PROCR: variants seen among roughly 807,000 people sequenced by gnomAD.
PROCR encodes endothelial protein C receptor.
A neutral mutation model predicts 24.2 loss-of-function variants in PROCR; 22 were observed. That is an observed-to-expected ratio of 0.91 (90% CI 0.65 to 1.30). The LOEUF (loss-of-function observed/expected upper bound fraction) is 1.30. PROCR is among the 50% of genes most tolerant of loss of function. The pLI is 0.00. For missense variants in PROCR, 288 were observed against 307.7 expected (o/e 0.94, Z 0.48); for synonymous variants, 137 against 139.2 (o/e 0.98, Z 0.11).
At chr20:35,179,803 C>A (rs1190445159), downstream of PROCR, among the ~76,000 whole-genome samples, 1 of 152,154 alleles carries the variant, frequency 6.6e-6, no homozygotes, top group Non-Finnish European at 1.5e-5. Flanking sequence ...TTTATTTACT[C>A]CCTCTTATTT....
At chr20:35,195,946 A>C (rs2146167960) in intron 1 of PROCR, among the ~76,000 whole-genome samples, 1 of 151,892 alleles carries the variant, frequency 6.6e-6, no homozygotes, top group South Asian at 2.1e-4. Flanking sequence ...TTTGGGAGGC[A>C]GAGGTGAGCA....
intron 1 of PROCR, among the ~76,000 whole-genome samples, chr20:35,182,653 A>G (rs1006736165): frequency 6.6e-6 from 1 of 152,198 alleles, no homozygotes; most frequent in African/African-American, 2.4e-5. Context: ...GATGCATTGT[A>G]TAACTAGAAG....
intron 1 of PROCR, among the ~76,000 whole-genome samples, chr20:35,198,469 G>C (rs1047800593): frequency 6.6e-6 from 1 of 152,122 alleles, no homozygotes; most frequent in African/African-American, 2.4e-5. Flanking sequence ...ATTTTATGAA[G>C]GCTGAGAGAG....
chr20:35,190,126 A>C (rs1448755539), intron 1 of PROCR, among the ~76,000 whole-genome samples: 1 of 152,110 alleles, frequency 6.6e-6, no homozygotes. Context: ...TCTCACACCC[A>C]GTAAAAAGAA....
chr20:35,188,873 T>C (rs914487536), intron 1 of PROCR, among the ~76,000 whole-genome samples: 1 of 152,206 alleles, frequency 6.6e-6, no homozygotes, highest in Non-Finnish European at 1.5e-5. Context: ...AGAACATAAA[T>C]TGTGAAGATT....
intron 1 of PROCR, among the ~76,000 whole-genome samples, chr20:35,205,840 TATATACATGTATAC>T (rs1169515909): frequency 7.0e-6 from 1 of 142,720 alleles, no homozygotes; most frequent in Non-Finnish European, 1.5e-5. Context: ...TACATATACA[TATATACATGTATAC>T]ATATACATAT....
At chr20:35,202,294 C>T (rs1389529635) in intron 1 of PROCR, 2 of 151,724 alleles carry the variant, frequency 1.3e-5, no homozygotes, top group African/African-American at 4.8e-5. Context: ...TCTCTACTAA[C>T]AATACAAAAA....
intron 1 of PROCR, among the ~76,000 whole-genome samples, chr20:35,205,583 C>T (rs1782813196): frequency 6.7e-6 from 1 of 149,440 alleles, no homozygotes. Flanking sequence ...GAAACCTCGT[C>T]TCCACTAAAA....
chr20:35,211,592 C>T (rs1206543746), intron 1 of PROCR, among the ~76,000 whole-genome samples: 1 of 152,174 alleles, frequency 6.6e-6, no homozygotes, highest in East Asian at 1.9e-4. Flanking sequence ...CTGATTCATT[C>T]TCTCAACTCC....
chr20:35,187,566 G>A (rs10747514), intron 1 of PROCR, among the ~76,000 whole-genome samples: 60,024 of 151,898 alleles, frequency 0.4, 14,024 homozygotes, highest in African/African-American at 0.65. Flanking sequence ...GGGATTCTCT[G>A]AAAATTTTTG....
downstream of PROCR, among the ~76,000 whole-genome samples, chr20:35,180,271 TAAG>T (rs2086065669): frequency 6.6e-6 from 1 of 151,600 alleles, no homozygotes; most frequent in Admixed American, 6.6e-5. Flanking sequence ...AATACATAAA[TAAG>T]AAAAAAAAGA....
Position 35,176,306 on chromosome 20 carries a change from C to G in PROCR, c.461C>G (p.Thr154Ser). Residue 154 changes from threonine to serine, a missense_variant, in exon 3 of 4, where the codon ACC becomes AGC. Thr to Ser is a moderately conservative substitution (Grantham distance 58). Transcript: ENST00000216968. The stretch of plus-strand genomic sequence containing the variant: ...GAGAGAGCCTTGTGGCAGGCAGACA[C>G]CCAGGTCACCTCCGGAGTGGTCACC... ...RPERALWQAD[T>S]QVTSGVVTFT... The G allele has an allele frequency of 6.2e-7, 1 of 1,614,198 alleles. No individual in the cohort carries two copies. Among genetic ancestry groups the G allele is most frequent in the Non-Finnish European group, 8.5e-7 (1 of 1,180,042 alleles).
In PROCR at chr20:35,172,080, T is replaced by C. The variant is rs2085956032; in HGVS notation, c.-75T>C. On this transcript the variant is annotated 5_prime_UTR_variant, in exon 1 of 4. Coordinates refer to ENST00000216968, the MANE Select transcript of PROCR (RefSeq NM_006404.5). ...CCTCCCAGACGGTCCTCACTTCTCT[T>C]TTCCCTAGACTGCAGCCAGCGGAGC... The C allele has an allele frequency of 3.4e-6, 5 of 1,450,256 alleles. No individual in the cohort carries two copies. The highest frequency in any genetic ancestry group is 4.8e-6 in the Non-Finnish European group (5 of 1,031,812). The allele number at this position is 1,450,256 out of a possible 1,614,324, so 89.8% of individuals were successfully genotyped here.
At chr20:35,174,149 A>G (rs1449951454) in intron 1 of PROCR, among the ~76,000 whole-genome samples, 3 of 152,196 alleles carry the variant, frequency 2.0e-5, no homozygotes, top group Non-Finnish European at 4.4e-5. Context: ...CTGAATCGAC[A>G]TTGGCTATGA....
intron 1 of PROCR, among the ~76,000 whole-genome samples, chr20:35,213,577 C>T (rs1250580423): frequency 6.6e-6 from 1 of 151,998 alleles, no homozygotes; most frequent in Non-Finnish European, 1.5e-5. Flanking sequence ...TCACTGTATA[C>T]CAGTATTTTG....
intron 1 of PROCR, among the ~76,000 whole-genome samples, chr20:35,187,201 C>A (rs915521624): frequency 2.0e-5 from 3 of 147,138 alleles, no homozygotes; most frequent in Non-Finnish European, 4.5e-5. Context: ...CAGGCATGCA[C>A]CTCCAAGCCT....
intron 1 of PROCR, among the ~76,000 whole-genome samples, chr20:35,207,392 G>GTA (rs11471756): frequency 0.15 from 21,693 of 145,828 alleles, 1,584 homozygotes; most frequent in South Asian, 0.22. Context: ...GTATGTTTGT[G>GTA]TATATATATA....
At chr20:35,205,395 C>A in intron 1 of PROCR, among the ~76,000 whole-genome samples, 1 of 137,194 alleles carries the variant, frequency 7.3e-6, no homozygotes, top group Non-Finnish European at 1.5e-5. Flanking sequence ...AAAACCCATT[C>A]ATGATAAAAA....
intron 1 of PROCR, among the ~76,000 whole-genome samples, chr20:35,215,277 C>T (rs531613322): frequency 2.0e-5 from 3 of 152,272 alleles, no homozygotes; most frequent in East Asian, 1.9e-4. Flanking sequence ...CTTTTGAACA[C>T]GTGTGTGGTA....
Sources: allele counts gnomAD v4.1 joint callset (sites outside exome capture counted in the v4.1 genomes callset), GRCh38; gene constraint gnomAD v4.1.1; transcripts MANE v1.5; gene names NCBI Gene and HGNC (gene_info 2026-07-23, HGNC 2026-07-21).